The following UCK2 variants were observed in gnomAD, a reference collection of about 807,000 sequenced individuals.
UCK2 encodes cytidine monophosphokinase 2.
UCK2 carries 6 observed loss-of-function variants against 30.8 expected under a neutral mutation model. The ratio of observed to expected loss-of-function variants is 0.19; its 90% CI spans 0.11 to 0.38. The LOEUF (loss-of-function observed/expected upper bound fraction) is 0.38, where lower values mean the gene tolerates loss of function less well. Among genes scored for constraint, UCK2 ranks in the 10% least tolerant of loss-of-function variants. The probability of loss-of-function intolerance (pLI) is 1.00; values close to 1 mark genes in which losing one functional copy is unlikely to be tolerated. For synonymous variants in UCK2, 125 were observed against 133.6 expected, an observed-to-expected ratio of 0.94 and a Z score of 0.45; for missense variants, 210 against 339.8, an observed-to-expected ratio of 0.62 and a Z score of 3.00.
At chr1:165,890,095 C>T in intron 1 of UCK2, 109 bp from the exon 2 acceptor site, 1 of 1,266,776 alleles carries the variant, frequency 7.9e-7, no homozygotes, top group Non-Finnish European at 1.1e-6. Context: ...ATTCTTCCTT[C>T]CAGAGCCCCT....
chr1:165,861,172 T>C (rs1654887370), intron 1 of UCK2, among the ~76,000 whole-genome samples: 1 of 152,112 alleles, frequency 6.6e-6, no homozygotes, highest in South Asian at 2.1e-4. Context: ...AAAAGGGCGC[T>C]AATTCCATTC....
At chr1:165,830,216 C>T (rs116336528) in intron 1 of UCK2, among the ~76,000 whole-genome samples, 3,282 of 151,896 alleles carry the variant, frequency 0.022, 122 homozygotes, top group African/African-American at 0.073. Context: ...TGTTGCCAGG[C>T]TGATCTCAAA....
In UCK2 at chr1:165,880,026, A is replaced by G. The variant is rs116263872; in HGVS notation, c.100-10178A>G. Among the ~76,000 whole-genome samples, 664 of 152,308 alleles carry G rather than the reference A, an allele frequency of 4.4e-3. 5 individuals carry two copies. Among genetic ancestry groups the G allele is most frequent in the African/African-American group, 0.015 (636 of 41,564 alleles). On this transcript the variant is annotated intron_variant, in intron 1 of 6. Coordinates refer to ENST00000367879, the MANE Select transcript of UCK2 (RefSeq NM_012474.5). ...TCTGATTTCTGATTTTCCAGTTTAG[A>G]TAAGGATTACTGGATGGAGGAGTTA...
intron 6 of UCK2, among the ~76,000 whole-genome samples, chr1:165,906,431 T>C (rs961161830): frequency 2.0e-5 from 3 of 152,226 alleles, no homozygotes; most frequent in Non-Finnish European, 2.9e-5. Context: ...GTCACCAAGA[T>C]GGAAGTGCAG....
rs373091415 is a variant in UCK2, at chr1:165,827,839, C to T, written c.6C>T (p.Ala2=). Residue 2 remains alanine, a synonymous_variant, in exon 1 of 7, where the codon GCC becomes GCT. Transcript: ENST00000367879. ...GAGGAGGGGCGGCGCGAACCATGGC[C>T]GGGGACAGCGAGCAGACCCTGCAGA... M[A]GDSEQTLQNH... 54 of 1,455,372 alleles carry T rather than the reference C, an allele frequency of 3.7e-5. 1 individual carries two copies. In the Middle Eastern group the frequency reaches 5.4e-4, roughly 15 times the overall value. The allele number at this position is 1,455,372 out of a possible 1,614,324, so 90.2% of individuals were successfully genotyped here.
chr1:165,847,083 G>C (rs1333596648), intron 1 of UCK2, among the ~76,000 whole-genome samples: 2 of 151,538 alleles, frequency 1.3e-5, no homozygotes, highest in African/African-American at 4.9e-5. Context: ...CTTGTATATT[G>C]TTAAAAACTT....
intron 1 of UCK2, among the ~76,000 whole-genome samples, chr1:165,876,586 GA>G (rs1655342309): frequency 6.6e-6 from 1 of 152,128 alleles, no homozygotes; most frequent in African/African-American, 2.4e-5. Context: ...AAAAGTTGAA[GA>G]AAGTACATCC....
chr1:165,834,399 A>G (rs1379486760), intron 1 of UCK2, among the ~76,000 whole-genome samples: 1 of 152,166 alleles, frequency 6.6e-6, no homozygotes. Context: ...TGGGAGGTTG[A>G]GGCTGGAGTG....
chr1:165,832,834 G>C (rs1453348037), intron 1 of UCK2, among the ~76,000 whole-genome samples: 2 of 151,982 alleles, frequency 1.3e-5, no homozygotes, highest in Non-Finnish European at 2.9e-5. Context: ...CTCATGATCC[G>C]CCTCAGCCTC....
chr1:165,840,532 G>A (rs1378550029), intron 1 of UCK2, among the ~76,000 whole-genome samples: 2 of 152,206 alleles, frequency 1.3e-5, no homozygotes, highest in Non-Finnish European at 2.9e-5. Flanking sequence ...GTTCTAGCCA[G>A]CACTGCTCCC....
intron 1 of UCK2, among the ~76,000 whole-genome samples, chr1:165,852,183 A>G (rs1654613321): frequency 6.6e-6 from 1 of 152,212 alleles, no homozygotes; most frequent in Non-Finnish European, 1.5e-5. Flanking sequence ...TGGTTGAACT[A>G]ATTACAACAA....
chr1:165,854,716 A>G (rs928628713), intron 1 of UCK2, among the ~76,000 whole-genome samples: 6 of 151,932 alleles, frequency 3.9e-5, no homozygotes, highest in Admixed American at 1.3e-4. Flanking sequence ...GTTTGTTCTG[A>G]TTTTGTTCAG....
intron 1 of UCK2, among the ~76,000 whole-genome samples, chr1:165,869,857 C>T (rs754793055): frequency 2.6e-5 from 4 of 151,796 alleles, no homozygotes; most frequent in Non-Finnish European, 5.9e-5. Flanking sequence ...TGCAGTGTTG[C>T]CCAGGCTATT....
At chr1:165,873,378 C>T (rs562214491) in intron 1 of UCK2, among the ~76,000 whole-genome samples, 37 of 152,296 alleles carry the variant, frequency 2.4e-4, no homozygotes, top group African/African-American at 7.5e-4. Flanking sequence ...CATATAAACA[C>T]GGAAAAATGC....
intron 1 of UCK2, among the ~76,000 whole-genome samples, chr1:165,851,670 C>G (rs945908434): frequency 6.6e-6 from 1 of 151,816 alleles, no homozygotes; most frequent in Admixed American, 6.6e-5. Flanking sequence ...GCAGAACGTG[C>G]GGGTTTGTTA....
intron 1 of UCK2, among the ~76,000 whole-genome samples, chr1:165,879,879 G>T (rs547644111): frequency 6.6e-6 from 1 of 152,156 alleles, no homozygotes; most frequent in Admixed American, 6.5e-5. Flanking sequence ...AAAAAGGAAC[G>T]GAAGTGGGTG....
At chr1:165,864,186 G>A (rs1034317758) in intron 1 of UCK2, among the ~76,000 whole-genome samples, 5 of 152,174 alleles carry the variant, frequency 3.3e-5, no homozygotes, top group Non-Finnish European at 7.4e-5. Flanking sequence ...GACCTCAGGT[G>A]ATCCACCCGC....
At chr1:165,856,362 G>A (rs540431454) in intron 1 of UCK2, among the ~76,000 whole-genome samples, 13 of 151,148 alleles carry the variant, frequency 8.6e-5, no homozygotes, top group African/African-American at 2.9e-4. Flanking sequence ...CAAACATTAC[G>A]TGCCTGTTGT....
intron 1 of UCK2, among the ~76,000 whole-genome samples, chr1:165,879,026 G>T (rs1270042635): frequency 6.6e-6 from 1 of 152,086 alleles, no homozygotes; most frequent in East Asian, 1.9e-4. Context: ...GGTATGTAGT[G>T]GTACCTTGTT....
Sources: gnomAD v4.1 joint callset for allele counts (sites outside exome capture counted in the v4.1 genomes callset) on GRCh38, gnomAD v4.1.1 for gene constraint, MANE v1.5 for transcripts, NCBI Gene and HGNC (gene_info 2026-07-23, HGNC 2026-07-21) for gene names.